The following GTF3C2 variants were observed in gnomAD, a reference collection of about 807,000 sequenced individuals.
GTF3C2 encodes general transcription factor 3C polypeptide 2.
GTF3C2 carries 17 observed loss-of-function variants against 117.4 expected under a neutral mutation model. That is an observed-to-expected ratio of 0.14 (90% CI 0.10 to 0.22). GTF3C2 has a LOEUF of 0.22. Among genes scored for constraint, GTF3C2 ranks in the 10% least tolerant of loss-of-function variants. The pLI, the probability that GTF3C2 is intolerant of heterozygous loss-of-function variation, is 1.00. For synonymous variants in GTF3C2, 437 were observed against 427.0 expected (o/e 1.02, Z -0.29); for missense variants, 888 against 1,143.6 (o/e 0.78, Z 3.22).
chr2:27,350,263 TCACCTG>T (rs1681084142), intron 1 of GTF3C2: 2 of 204,392 alleles, frequency 9.8e-6, no homozygotes, highest in Admixed American at 1.3e-4. Flanking sequence ...AGCATCAGTA[TCACCTG>T]CAAATTTGTT....
chr2:27,339,183 C>T (rs746572594), intron 4 of GTF3C2, among the ~76,000 whole-genome samples: 3 of 151,674 alleles, frequency 2.0e-5, no homozygotes, highest in Non-Finnish European at 4.4e-5. Context: ...CCGAGGCGGG[C>T]GGATCACGAG....
At chr2:27,344,127 C>A (rs1680837601) in intron 1 of GTF3C2, among the ~76,000 whole-genome samples, 1 of 151,592 alleles carries the variant, frequency 6.6e-6, no homozygotes, top group Non-Finnish European at 1.5e-5. Flanking sequence ...TGGGTTCAAG[C>A]AATTCTCCTG....
intron 10 of GTF3C2, chr2:27,335,218 T>A: frequency 2.1e-6 from 1 of 480,446 alleles, no homozygotes; most frequent in East Asian, 6.6e-5. Flanking sequence ...TGTGTGGTGG[T>A]GAGGGCAGGA....
chr2:27,333,435 G>A (rs1020379261), intron 12 of GTF3C2, among the ~76,000 whole-genome samples: 6 of 151,896 alleles, frequency 4.0e-5, no homozygotes, highest in Non-Finnish European at 7.4e-5. Context: ...GATTATAGGC[G>A]TGAGCTACCG....
exon 19 of GTF3C2, chr2:27,326,268 G>A: frequency 2.1e-6 from 1 of 473,484 alleles, no homozygotes; most frequent in South Asian, 1.6e-5. Flanking sequence ...GGAATAGTCA[G>A]ACAGGAGCCT....
chr2:27,328,842 A>G lies in GTF3C2; in HGVS notation c.2127+2T>C. On this transcript the variant is annotated splice_donor_variant, in intron 15 of 18. Transcript: ENST00000264720. LOFTEE classifies it high-confidence loss of function. ...AAGACTGCAAAAGAAAGGGGGGCTC[A>G]CCCAAACGGTGCCTTTTCGAGGAGC... The G allele has an allele frequency of 1.2e-6, 2 of 1,607,470 alleles. No homozygotes were observed. Among genetic ancestry groups the G allele is most frequent in the Non-Finnish European group, 1.7e-6 (2 of 1,173,980 alleles).
chr2:27,338,231 TA>T, intron 4 of GTF3C2: 1 of 550,350 alleles, frequency 1.8e-6, no homozygotes, highest in East Asian at 3.2e-5. Flanking sequence ...CAAAATCTGT[TA>T]CCTATTTTCT....
exon 7 of GTF3C2, chr2:27,337,268 T>C: frequency 6.2e-7 from 1 of 1,611,216 alleles, no homozygotes; most frequent in Non-Finnish European, 8.5e-7. Context: ...GAGGGTGCCA[T>C]CTTCAGGTAG....
intron 7 of GTF3C2, 199 bp from the exon 8 acceptor site, chr2:27,336,624 T>G: frequency 1.9e-6 from 1 of 535,796 alleles, no homozygotes. Context: ...CTTATATTAT[T>G]ATTATTTGAG....
At chr2:27,343,450 A>T in exon 2 of GTF3C2, 2 of 1,614,146 alleles carry the variant, frequency 1.2e-6, no homozygotes, top group Non-Finnish European at 1.7e-6. Flanking sequence ...AGGTCTTGAC[A>T]TCAAGCTGAT....
chr2:27,334,253 T>C (rs1013073444), intron 10 of GTF3C2, among the ~76,000 whole-genome samples: 1 of 151,984 alleles, frequency 6.6e-6, no homozygotes, highest in Non-Finnish European at 1.5e-5. Context: ...TTCTCTTAAA[T>C]CAGCAACCAA....
intron 1 of GTF3C2, among the ~76,000 whole-genome samples, chr2:27,352,975 A>T (rs980158219): frequency 6.6e-6 from 1 of 152,232 alleles, no homozygotes; most frequent in African/African-American, 2.4e-5. Flanking sequence ...CCTATTTGGC[A>T]GCTTTTTTGT....
exon 3 of GTF3C2, chr2:27,342,985 G>C (rs1489041792): frequency 1.2e-6 from 2 of 1,614,194 alleles, no homozygotes; most frequent in Non-Finnish European, 1.7e-6. Flanking sequence ...AGGCATGGGG[G>C]TGGACAGAGG....
exon 19 of GTF3C2, chr2:27,326,682 G>A: frequency 6.2e-7 from 1 of 1,612,508 alleles, no homozygotes; most frequent in Non-Finnish European, 8.5e-7. Flanking sequence ...AGGCTAGGGA[G>A]TGGGCAGAAG....
chr2:27,330,991 T>C (rs1029532111), intron 12 of GTF3C2, among the ~76,000 whole-genome samples: 1 of 152,116 alleles, frequency 6.6e-6, no homozygotes, highest in Non-Finnish European at 1.5e-5. Flanking sequence ...TGGTGGCGCA[T>C]GCCTGTAGTC....
At chr2:27,333,849 A>C (rs1181896264) in intron 11 of GTF3C2, 65 bp from the exon 12 acceptor site, 1 of 1,535,556 alleles carries the variant, frequency 6.5e-7, no homozygotes, top group Non-Finnish European at 9.0e-7. Context: ...CGAAAGCTCA[A>C]ATCAGTGCTT....
At chr2:27,350,229 A>G (rs953596029) in intron 1 of GTF3C2, 1 of 157,916 alleles carries the variant, frequency 6.3e-6, no homozygotes, top group East Asian at 1.9e-4. Context: ...TCAGAGGTTC[A>G]CAAAGTGTGG....
chr2:27,354,168 A>C lies in GTF3C2; in HGVS notation c.-25+2571T>G, dbSNP rs867407471. 2.6e-5 allele frequency among the ~76,000 whole-genome samples: 4 copies of C among 151,960 alleles called. No homozygotes were observed. The South Asian group carries it at 8.3e-4, about 32-fold the overall frequency. On this transcript the variant is annotated intron_variant, in intron 1 of 18. Transcript: ENST00000264720. ...TGTGGTGGCAAATACCTGTAGCTCTAGCTATTCGAGAGGCTGAGGCAGGAG... is the reference window on the plus strand; with the variant it reads ...TGTGGTGGCAAATACCTGTAGCTCTCGCTATTCGAGAGGCTGAGGCAGGAG...
chr2:27,342,185 C>G (rs1371039099), exon 4 of GTF3C2: 5 of 1,614,054 alleles, frequency 3.1e-6, no homozygotes, highest in Non-Finnish European at 3.4e-6. Context: ...CAGGGGCAGG[C>G]AGGGCTGTTG....
Sources: gnomAD v4.1 joint callset for allele counts (sites outside exome capture counted in the v4.1 genomes callset) on GRCh38, gnomAD v4.1.1 for gene constraint, MANE v1.5 for transcripts, NCBI Gene and HGNC (gene_info 2026-07-23, HGNC 2026-07-21) for gene names.